NLGN4Y: variants seen among roughly 807,000 people sequenced by gnomAD.
NLGN4Y encodes neuroligin 4 Y-linked, also known as neuroligin-4, Y-linked.
NLGN4Y carries 4 observed loss-of-function variants against 8.4 expected under a neutral mutation model. The ratio of observed to expected loss-of-function variants is 0.48; its 90% CI spans 0.23 to 1.09. The LOEUF (loss-of-function observed/expected upper bound fraction) is 1.09, where lower values mean the gene tolerates loss of function less well. NLGN4Y is among the 50% of genes least tolerant of loss of function. NLGN4Y has a pLI of 0.19. For missense variants in NLGN4Y, 90 were observed against 192.3 expected (o/e 0.47, Z 3.15); for synonymous variants, 35 against 75.6 (o/e 0.46, Z 2.78).
intron 1 of NLGN4Y, among the ~76,000 whole-genome samples, chrY:14,543,113 C>A: frequency 3.0e-5 from 1 of 33,096 alleles, no homozygotes; most frequent in Non-Finnish European, 7.4e-5. Flanking sequence ...GCATATGTAC[C>A]CCAGAATGTA....
intron 2 of NLGN4Y, among the ~76,000 whole-genome samples, chrY:14,643,595 A>T (rs2080598980): frequency 3.0e-5 from 1 of 33,293 alleles, no homozygotes; most frequent in African/African-American, 1.2e-4. Context: ...GTGGCAAATT[A>T]GAGATAGCTT....
At chrY:14,598,913 C>T in intron 1 of NLGN4Y, among the ~76,000 whole-genome samples, 2 of 20,017 alleles carry the variant, frequency 1.0e-4, no homozygotes, top group Non-Finnish European at 2.1e-4. Context: ...ATATATATAT[C>T]GCTAACCCTT....
chrY:14,820,048 G>T, intron 4 of NLGN4Y, among the ~76,000 whole-genome samples: 1 of 32,906 alleles, frequency 3.0e-5, no homozygotes, highest in Non-Finnish European at 7.5e-5. Context: ...CCTTGCCCAA[G>T]ATCCTGCAAC....
chrY:14,730,987 A>ATGTGTGTGTG, intron 4 of NLGN4Y, among the ~76,000 whole-genome samples: 14 of 15,734 alleles, frequency 8.9e-4, no homozygotes, highest in Non-Finnish European at 6.7e-4. Context: ...GAACCAAATT[A>ATGTGTGTGTG]TGTGTGTGTG....
chrY:14,709,186 C>G (rs755545868), intron 2 of NLGN4Y, among the ~76,000 whole-genome samples: 1 of 32,820 alleles, frequency 3.0e-5, no homozygotes, highest in South Asian at 6.9e-4. Flanking sequence ...GGAGAGTGAC[C>G]ACTAACTGGT....
intron 4 of NLGN4Y, among the ~76,000 whole-genome samples, chrY:14,735,394 C>T: frequency 6.0e-5 from 2 of 33,603 alleles, no homozygotes; most frequent in South Asian, 1.3e-3. Flanking sequence ...GTATAAGGGG[C>T]TTTTTCCCCT....
intron 4 of NLGN4Y, among the ~76,000 whole-genome samples, chrY:14,752,658 A>G: frequency 2.9e-5 from 1 of 33,949 alleles, no homozygotes; most frequent in South Asian, 6.4e-4. Flanking sequence ...TGTTTGTTTT[A>G]AAATGTTCAT....
intron 4 of NLGN4Y, chrY:14,748,595 C>T: frequency 5.5e-6 from 1 of 181,415 alleles, no homozygotes; most frequent in Non-Finnish European, 1.1e-5. Context: ...AGGCCCTCAT[C>T]TGTCATATTT....
intron 4 of NLGN4Y, among the ~76,000 whole-genome samples, chrY:14,777,668 A>G (rs2081131807): frequency 3.4e-5 from 1 of 29,379 alleles, no homozygotes; most frequent in Non-Finnish European, 8.0e-5. Context: ...AGAGAGAGAG[A>G]GATAGACAGA....
intron 2 of NLGN4Y, among the ~76,000 whole-genome samples, chrY:14,714,510 G>A: frequency 3.0e-5 from 1 of 32,805 alleles, no homozygotes; most frequent in Admixed American, 2.8e-4. Context: ...TGCATGGAAA[G>A]TCAAAGGACC....
chrY:14,766,988 A>G, intron 4 of NLGN4Y, among the ~76,000 whole-genome samples: 1 of 33,461 alleles, frequency 3.0e-5, no homozygotes, highest in Admixed American at 2.8e-4. Context: ...GTCTTGAATT[A>G]CAGACAGATA....
chrY:14,699,097 T>G (rs2080841072), intron 2 of NLGN4Y, among the ~76,000 whole-genome samples: 1 of 32,767 alleles, frequency 3.1e-5, no homozygotes. Context: ...TCCTATGAGA[T>G]TAACGTTTTA....
chrY:14,598,145 C>T, intron 1 of NLGN4Y, among the ~76,000 whole-genome samples: 1 of 35,069 alleles, frequency 2.9e-5, no homozygotes, highest in Admixed American at 2.5e-4. Flanking sequence ...CCTAGTGGAT[C>T]CCGCACTGGG....
chrY:14,826,291 T>C (rs2043145088), intron 5 of NLGN4Y, among the ~76,000 whole-genome samples: 1 of 32,665 alleles, frequency 3.1e-5, no homozygotes, highest in African/African-American at 1.2e-4. Context: ...GACTGGACCA[T>C]TTACATCTGA....
At chrY:14,775,281 G>A in intron 4 of NLGN4Y, among the ~76,000 whole-genome samples, 1 of 33,198 alleles carries the variant, frequency 3.0e-5, no homozygotes, top group Non-Finnish European at 7.4e-5. Flanking sequence ...TTATTCTGGA[G>A]GGTATTAAAT....
chrY:14,760,929 A>C, intron 4 of NLGN4Y, among the ~76,000 whole-genome samples: 1 of 34,003 alleles, frequency 2.9e-5, no homozygotes, highest in Admixed American at 2.7e-4. Context: ...GAAAATACAT[A>C]AATTAACAAG....
At chrY:14,593,499 C>T (rs2150493060) in intron 1 of NLGN4Y, among the ~76,000 whole-genome samples, 1 of 33,434 alleles carries the variant, frequency 3.0e-5, no homozygotes, top group Non-Finnish European at 7.4e-5. Flanking sequence ...GGCTGCCTTC[C>T]GGTATAAGTA....
chrY:14,735,014 T>A, intron 4 of NLGN4Y, among the ~76,000 whole-genome samples: 1 of 34,257 alleles, frequency 2.9e-5, no homozygotes, highest in Non-Finnish European at 7.3e-5. Context: ...GTATTTTTGC[T>A]GTAAAGAGCG....
intron 1 of NLGN4Y, among the ~76,000 whole-genome samples, chrY:14,526,932 A>G (rs994559744): frequency 3.0e-5 from 1 of 33,303 alleles, no homozygotes; most frequent in Non-Finnish European, 7.4e-5. Flanking sequence ...GTAAGCATAC[A>G]GATTTGTTTT....
Sources: gnomAD v4.1 joint callset for allele counts (sites outside exome capture counted in the v4.1 genomes callset) on GRCh38, gnomAD v4.1.1 for gene constraint, MANE v1.5 for transcripts, NCBI Gene and HGNC (gene_info 2026-07-23, HGNC 2026-07-21) for gene names.